The following CASQ2 variants were observed in gnomAD, a reference collection of about 807,000 sequenced individuals.
The protein encoded by CASQ2 is calsequestrin-2.
A neutral mutation model predicts 46.5 loss-of-function variants in CASQ2; 49 were observed. The observed-to-expected ratio is 1.05, with a 90% CI of 0.84 to 1.34. The LOEUF (loss-of-function observed/expected upper bound fraction) is 1.34. Ranked by LOEUF, CASQ2 falls within the 40% of genes most tolerant of loss-of-function variation. The probability of loss-of-function intolerance (pLI) is 0.00; values close to 1 mark genes in which losing one functional copy is unlikely to be tolerated. For missense variants in CASQ2, 486 were observed against 481.3 expected, an observed-to-expected ratio of 1.01 and a Z score of -0.09; for synonymous variants, 174 against 168.5, an observed-to-expected ratio of 1.03 and a Z score of -0.25.
intron 1 of CASQ2, among the ~76,000 whole-genome samples, chr1:115,745,676 GTTTGAACAGGGA>G (rs1648363553): frequency 6.6e-6 from 1 of 152,208 alleles, no homozygotes; most frequent in Non-Finnish European, 1.5e-5. Context: ...CTTGCCATCT[GTTTGAACAGGGA>G]CTTGAAACAG....
intron 2 of CASQ2, among the ~76,000 whole-genome samples, chr1:115,744,237 A>G (rs1195011798): frequency 6.6e-6 from 1 of 152,220 alleles, no homozygotes; most frequent in African/African-American, 2.4e-5. Context: ...TGAATCCTAA[A>G]GTGCACTGCA....
chr1:115,757,680 G>A (rs749565138), intron 1 of CASQ2, among the ~76,000 whole-genome samples: 28 of 152,086 alleles, frequency 1.8e-4, no homozygotes, highest in East Asian at 1.4e-3. Context: ...TTCTGCCCAC[G>A]TGCATATATA....
At chr1:115,722,785 T>C (rs1254621328) in intron 7 of CASQ2, among the ~76,000 whole-genome samples, 2 of 152,154 alleles carry the variant, frequency 1.3e-5, no homozygotes, top group Non-Finnish European at 2.9e-5. Context: ...TGGTAGTTCA[T>C]GCCTGTAATC....
chr1:115,713,633 C>T (rs2101064711), intron 8 of CASQ2, among the ~76,000 whole-genome samples: 1 of 152,314 alleles, frequency 6.6e-6, no homozygotes, highest in South Asian at 2.1e-4. Flanking sequence ...GATCCCAAAC[C>T]TGGACAGACA....
At chr1:115,761,435 GAAGA>G (rs1360726532) in intron 1 of CASQ2, among the ~76,000 whole-genome samples, 17 of 2,432 alleles carry the variant, frequency 7.0e-3, no homozygotes, top group East Asian at 0.016. Context: ...AGAAGAAGAA[GAAGA>G]AAGAAGAAGA....
intron 7 of CASQ2, among the ~76,000 whole-genome samples, chr1:115,718,326 G>T (rs187894817): frequency 4.2e-4 from 64 of 152,306 alleles, no homozygotes; most frequent in African/African-American, 1.4e-3. Context: ...TCTGTTTCAA[G>T]AATTTACCAC....
chr1:115,744,135 C>T (rs1648299827), intron 2 of CASQ2, among the ~76,000 whole-genome samples: 1 of 118,596 alleles, frequency 8.4e-6, no homozygotes, highest in African/African-American at 2.8e-5. Flanking sequence ...CAGTGAGAAC[C>T]TGTCTCAAAA....
chr1:115,738,817 C>A (rs991519521), intron 3 of CASQ2, among the ~76,000 whole-genome samples: 5 of 151,976 alleles, frequency 3.3e-5, no homozygotes, highest in Admixed American at 1.3e-4. Context: ...TCTCAAAGAA[C>A]AAAATCTTAT....
intron 7 of CASQ2, among the ~76,000 whole-genome samples, chr1:115,723,073 A>G (rs923962905): frequency 6.6e-6 from 1 of 152,090 alleles, no homozygotes; most frequent in African/African-American, 2.4e-5. Context: ...AATAAAAGAA[A>G]AAGAAAGAGA....
chr1:115,715,904 G>T (rs974417877), intron 8 of CASQ2, among the ~76,000 whole-genome samples: 1 of 152,148 alleles, frequency 6.6e-6, no homozygotes, highest in Non-Finnish European at 1.5e-5. Flanking sequence ...AAGACATTGT[G>T]CAAGAATCAG....
chr1:115,729,004 C>T (rs1023678801), intron 5 of CASQ2, among the ~76,000 whole-genome samples: 10 of 128,684 alleles, frequency 7.8e-5, no homozygotes, highest in African/African-American at 3.0e-4. Flanking sequence ...GTGCTCTCAT[C>T]TTGTATCTCA....
chr1:115,731,594 C>T (rs1056230980), intron 5 of CASQ2, among the ~76,000 whole-genome samples: 5 of 152,294 alleles, frequency 3.3e-5, no homozygotes, highest in African/African-American at 9.6e-5. Context: ...TCCTGTGTGC[C>T]AAAAACCAGC....
chr1:115,746,764 G>A (rs950481882), intron 1 of CASQ2, among the ~76,000 whole-genome samples: 1 of 151,620 alleles, frequency 6.6e-6, no homozygotes, highest in African/African-American at 2.4e-5. Flanking sequence ...TTTTTACTCT[G>A]TATGTGTGTT....
At position 115,768,424 on chromosome 1, in the gene CASQ2, T is replaced by C. The variant is rs786205797; in HGVS notation, c.118A>G (p.Lys40Glu). Reference sequence around the variant, plus strand: ...TTCTTTAAAACCTGCTTGAAGTTCTTCTCGGAAAGACTTACCACTCGGTCC... The same window carrying C: ...TTCTTTAAAACCTGCTTGAAGTTCTCCTCGGAAAGACTTACCACTCGGTCC... ...GKDRVVSLSEKNFKQVLKKYD... is the reference protein window; with the variant it reads ...GKDRVVSLSEENFKQVLKKYD... The change falls in exon 1 of 11, where the codon AAG becomes GAG. Residue 40 changes from lysine (K) to glutamate (E), a missense_variant. Lys to Glu is a moderately conservative substitution (Grantham distance 56, BLOSUM62 1). Coordinates refer to ENST00000261448, the MANE Select transcript of CASQ2 (RefSeq NM_001232.4). 2 of 1,613,884 alleles carry C rather than the reference T, an allele frequency of 1.2e-6. No individual in the cohort carries two copies. The highest frequency in any genetic ancestry group is 1.7e-6 in the Non-Finnish European group (2 of 1,179,768).
At chr1:115,762,202 G>C (rs1256538425) in intron 1 of CASQ2, among the ~76,000 whole-genome samples, 1 of 152,154 alleles carries the variant, frequency 6.6e-6, no homozygotes. Context: ...TACCCTGACT[G>C]AGCAAGGGAC....
At position 115,701,237 on chromosome 1, in the gene CASQ2, TG is replaced by T. The variant is rs771063769; in HGVS notation, c.*3del. ...TGTTTTCATCAGAATTGTTTGGAGT[TG>T]GGCTATTCATCATCATCGTCATCAC... On this transcript the variant is annotated 3_prime_UTR_variant, in exon 11 of 11. Coordinates refer to ENST00000261448, the MANE Select transcript of CASQ2 (RefSeq NM_001232.4). 4 of 1,613,872 alleles carry T rather than the reference TG, an allele frequency of 2.5e-6. No individual in the cohort carries two copies. The highest frequency in any genetic ancestry group is 8.5e-7 in the Non-Finnish European group (1 of 1,179,856).
At chr1:115,737,807 C>A (rs1298809937) in intron 4 of CASQ2, among the ~76,000 whole-genome samples, 1 of 152,168 alleles carries the variant, frequency 6.6e-6, no homozygotes, top group African/African-American at 2.4e-5. Flanking sequence ...TAAGCCCATC[C>A]CTACCCCAAT....
chr1:115,765,269 C>G (rs371387839), intron 1 of CASQ2, among the ~76,000 whole-genome samples: 23 of 152,330 alleles, frequency 1.5e-4, no homozygotes, highest in Middle Eastern at 3.4e-3. Flanking sequence ...AATTAGGTGG[C>G]AGATGCATGA....
chr1:115,767,690 A>G (rs1649178106), intron 1 of CASQ2, among the ~76,000 whole-genome samples: 2 of 152,236 alleles, frequency 1.3e-5, no homozygotes, highest in Non-Finnish European at 2.9e-5. Context: ...GGATAAAATA[A>G]GAACTGACTT....
Sources: gnomAD v4.1 joint callset for allele counts (sites outside exome capture counted in the v4.1 genomes callset) on GRCh38, gnomAD v4.1.1 for gene constraint, MANE v1.5 for transcripts, NCBI Gene and HGNC (gene_info 2026-07-23, HGNC 2026-07-21) for gene names.